The following LETM1 variants were observed in gnomAD, a reference collection of about 807,000 sequenced individuals.
The protein encoded by LETM1 is leucine zipper and EF-hand containing transmembrane protein 1, also known as mitochondrial proton/calcium exchanger protein.
In LETM1, 50 loss-of-function variants were observed where a neutral mutation model predicts 74.5. The observed-to-expected ratio is 0.67, with a 90% CI of 0.53 to 0.85. LETM1 has a LOEUF of 0.85. Ranked by LOEUF, LETM1 falls within the 40% of genes least tolerant of loss-of-function variation. The pLI, the probability that LETM1 is intolerant of heterozygous loss-of-function variation, is 0.00. For missense variants in LETM1, 824 were observed against 967.8 expected (o/e 0.85, Z 1.97); for synonymous variants, 446 against 407.1 (o/e 1.10, Z -1.15).
rs531431686 is a variant in LETM1, at chr4:1,814,065, G to A, written c.*359C>T. On this transcript the variant is annotated 3_prime_UTR_variant, in exon 14 of 14. Transcript: ENST00000302787. The stretch of plus-strand genomic sequence containing the variant: ...CCAGCTCTGTGTGGGCGGAGTCCAC[G>A]TGGTCCTCATTCTCTTCCCTGGGGA... 26 of 283,726 alleles carry A rather than the reference G, an allele frequency of 9.2e-5. No homozygotes were observed. In the South Asian group the frequency reaches 1.0e-3, roughly 11 times the overall value. The allele number at this position is 283,726 out of a possible 1,614,324, so 17.6% of individuals were successfully genotyped here.
At chr4:1,815,574 G>A in intron 13 of LETM1, 90 bp downstream of exon 13, 1 of 1,452,438 alleles carries the variant, frequency 6.9e-7, no homozygotes, top group Non-Finnish European at 9.4e-7. Flanking sequence ...CTGCCCAGGA[G>A]GGTGCCGGAC....
At chr4:1,846,246 G>A (rs543944428) in intron 2 of LETM1, among the ~76,000 whole-genome samples, 1 of 152,050 alleles carries the variant, frequency 6.6e-6, no homozygotes, top group South Asian at 2.1e-4. Context: ...TTCAAAATTG[G>A]GAACTTTAAA....
rs762334176 is a variant in LETM1 at position 1,816,715 on chromosome 4, C to T, written c.1931+12G>A. On this transcript the variant is annotated intron_variant, in intron 12 of 13. Coordinates refer to ENST00000302787, the MANE Select transcript of LETM1 (RefSeq NM_012318.3). ...TCTCCGATCCCTCTCCCGCGCCCACCACCCCACTCACCCCGTGGGCATGCC... is the reference window on the plus strand; with the variant it reads ...TCTCCGATCCCTCTCCCGCGCCCACTACCCCACTCACCCCGTGGGCATGCC... 2.5e-6 allele frequency: 4 copies of T among 1,610,986 alleles called. No homozygotes were observed. The highest frequency in any genetic ancestry group is 1.3e-5 in the African/African-American group (1 of 74,878).
At chr4:1,818,530 T>C (rs957889824) in intron 11 of LETM1, among the ~76,000 whole-genome samples, 3 of 151,472 alleles carry the variant, frequency 2.0e-5, no homozygotes, top group Non-Finnish European at 4.4e-5. Context: ...GAAGAATCAT[T>C]TGAACCCAGG....
intron 3 of LETM1, among the ~76,000 whole-genome samples, chr4:1,840,328 G>A (rs1032686763): frequency 1.3e-5 from 2 of 152,120 alleles, no homozygotes; most frequent in Non-Finnish European, 2.9e-5. Context: ...AGTGAGCCGA[G>A]ATTGTGCCAC....
rs530712245 is a variant in LETM1, at chr4:1,842,989, G to A, written c.144-1192C>T. On this transcript the variant is annotated intron_variant, in intron 2 of 13. Transcript: ENST00000302787. The stretch of plus-strand genomic sequence containing the variant: ...CTGCTGATTGGACACAAATCCCCCC[G>A]GGTGGCCCGAGCTCACCTAAAAGGC... 3.9e-5 allele frequency: 13 copies of A among 333,886 alleles called. No individual in the cohort carries two copies. In the East Asian group the frequency reaches 6.9e-4, roughly 18 times the overall value. 20.7% of individuals were successfully genotyped at this position (333,886 alleles called of 1,614,324 possible).
rs1211635227 is a variant in LETM1 at position 1,823,656 on chromosome 4, G to C, written c.1320C>G (p.Leu440=). ...ADQLKSTLQT[L]PEIVAKEAQV... ...CGACAGCACGTACCACAATCTCTGG[G>C]AGGGTCTGCAGTGTGGACTTGAGCT... Residue 440 remains leucine, a synonymous_variant, in exon 8 of 14, where the codon CTC becomes CTG. Coordinates refer to ENST00000302787, the MANE Select transcript of LETM1 (RefSeq NM_012318.3). 3 of 1,613,904 alleles carry C rather than the reference G, an allele frequency of 1.9e-6. No individual in the cohort carries two copies. Among genetic ancestry groups the C allele is most frequent in the East Asian group, 4.5e-5 (2 of 44,876 alleles).
intron 6 of LETM1, among the ~76,000 whole-genome samples, chr4:1,830,521 G>A (rs894921974): frequency 3.3e-5 from 5 of 152,092 alleles, no homozygotes; most frequent in Non-Finnish European, 7.4e-5. Context: ...TTGTAGAGGT[G>A]GGGGGTCTCA....
chr4:1,835,779 C>T (rs1366567907), intron 4 of LETM1, among the ~76,000 whole-genome samples: 1 of 152,104 alleles, frequency 6.6e-6, no homozygotes, highest in African/African-American at 2.4e-5. Flanking sequence ...TCTAGAAAAC[C>T]TGTATTTTAA....
intron 2 of LETM1, among the ~76,000 whole-genome samples, chr4:1,846,917 A>G (rs1712899982): frequency 6.6e-6 from 1 of 152,258 alleles, no homozygotes; most frequent in Admixed American, 6.5e-5. Context: ...CAGATACAAG[A>G]AAATTGTACA....
intron 1 of LETM1, 76 bp downstream of exon 1, chr4:1,855,793 C>T (rs1713220636): frequency 1.1e-6 from 1 of 925,258 alleles, no homozygotes; most frequent in Non-Finnish European, 1.4e-6. Context: ...TGACAACCAG[C>T]CCGAACCCGC....
chr4:1,835,031 C>A (rs755432653), intron 4 of LETM1, 49 bp from the exon 5 acceptor site: 2 of 1,589,806 alleles, frequency 1.3e-6, no homozygotes, highest in South Asian at 1.1e-5. Flanking sequence ...GACTGTGGTT[C>A]GGGCAAGGAA....
At position 1,836,515 on chromosome 4, in the gene LETM1, C is replaced by T. The variant is rs1229437911; in HGVS notation, c.652G>A (p.Val218Met). ...RLVPFLVFVV[V>M]PFMEFLLPVA... ...GGCAGCAGAAACTCCATGAACGGCA[C>T]CACCACGAACACAAGGAACGGCACC... Residue 218 changes from valine to methionine, a missense_variant, in exon 4 of 14, where the codon GTG becomes ATG. Transcript: ENST00000302787. The surrounding 1 kb of genome is among the most constrained non-coding windows in gnomAD (Gnocchi z 5.8). 1.9e-6 allele frequency: 3 copies of T among 1,613,768 alleles called. No homozygotes were observed. The highest frequency in any genetic ancestry group is 2.2e-5 in the East Asian group (1 of 44,884).
intron 6 of LETM1, 149 bp downstream of exon 6, chr4:1,832,595 C>T: frequency 1.5e-6 from 1 of 679,282 alleles, no homozygotes; most frequent in Non-Finnish European, 2.5e-6. Context: ...AAAGGATCTG[C>T]AATCTGCAAG....
chr4:1,848,324 G>A (rs540752976), intron 2 of LETM1, among the ~76,000 whole-genome samples: 4 of 152,022 alleles, frequency 2.6e-5, no homozygotes, highest in African/African-American at 7.2e-5. Flanking sequence ...CATGGCGGGC[G>A]GATCACGAGG....
intron 7 of LETM1, among the ~76,000 whole-genome samples, 159 bp from the exon 8 acceptor site, chr4:1,823,934 G>A (rs889100188): frequency 1.2e-4 from 19 of 152,272 alleles, no homozygotes; most frequent in Admixed American, 7.8e-4. Flanking sequence ...CGATGACGGC[G>A]TTAGTAAACA....
intron 5 of LETM1, 117 bp from the exon 6 acceptor site, chr4:1,833,064 C>T: frequency 1.2e-6 from 1 of 813,170 alleles, no homozygotes; most frequent in Non-Finnish European, 2.0e-6. Context: ...AAACCACTGA[C>T]TACTTCTTCT....
chr4:1,833,299 A>C, intron 5 of LETM1: 1 of 287,796 alleles, frequency 3.5e-6, no homozygotes, highest in Non-Finnish European at 6.8e-6. Context: ...CAAATACCCG[A>C]CCTCAAGTCA....
intron 2 of LETM1, among the ~76,000 whole-genome samples, chr4:1,845,621 C>T (rs1349912991): frequency 4.0e-5 from 6 of 149,626 alleles, no homozygotes; most frequent in Non-Finnish European, 7.4e-5. Flanking sequence ...AATCTGGGCT[C>T]ACTGCAACCT....
Sources: allele counts gnomAD v4.1 joint callset (sites outside exome capture counted in the v4.1 genomes callset), GRCh38; gene constraint gnomAD v4.1.1; non-coding constraint Gnocchi (gnomAD v3.1); transcripts MANE v1.5; gene names NCBI Gene and HGNC (gene_info 2026-07-23, HGNC 2026-07-21).